Variants in GPM6B observed in about 807,000 individuals in gnomAD.
GPM6B encodes the protein glycoprotein M6B, also known as neuronal membrane glycoprotein M6-b.
GPM6B carries 4 observed loss-of-function variants against 27.2 expected under a neutral mutation model. The ratio of observed to expected loss-of-function variants is 0.15; its 90% CI spans 0.07 to 0.34. GPM6B has a LOEUF of 0.34. GPM6B is among the 10% of genes least tolerant of loss of function. The pLI is 1.00. For synonymous variants in GPM6B, 124 were observed against 103.1 expected (o/e 1.20, Z -1.23); for missense variants, 183 against 261.9 (o/e 0.70, Z 2.08).
Position 13,844,068 on chromosome X carries a change from A to ATT in GPM6B, c.-197-58262_-197-58261dup, listed in dbSNP as rs766951108. Among the ~76,000 whole-genome samples, 626 of 112,167 alleles carry ATT rather than the reference A, an allele frequency of 5.6e-3. 8 individuals are homozygous for ATT. The highest frequency in any genetic ancestry group is 0.019 in the African/African-American group (588 of 30,793). On this transcript the variant is annotated intron_variant, in intron 1 of 6. Transcript: ENST00000398361. The stretch of plus-strand genomic sequence containing the variant: ...TAGGTCTATGATCCATCGTGAGTTA[A>ATT]TTTTTGTGTATATGAGGTAGGGGTG...
chrX:13,783,838 T>C (rs1224897817), intron 3 of GPM6B: 3 of 374,985 alleles, frequency 8.0e-6, no homozygotes, highest in Non-Finnish European at 1.5e-5. Context: ...AACACAGGCA[T>C]TGAGGAGTTA....
rs779187347 is a variant in GPM6B, at chrX:13,854,113, G to C, written c.-197-68305C>G. Among the ~76,000 whole-genome samples the C allele has an allele frequency of 3.6e-5, 4 of 111,655 alleles. No individual in the cohort carries two copies. In the South Asian group the frequency reaches 1.5e-3, roughly 42 times the overall value. On this transcript the variant is annotated intron_variant, in intron 1 of 6. Transcript: ENST00000398361. Reference sequence around the variant, plus strand: ...GGCAGGAAGCAGATATGGCTTTGGGGGAATTCTGGCTTGGGGTGACAAGTT... The same window carrying C: ...GGCAGGAAGCAGATATGGCTTTGGGCGAATTCTGGCTTGGGGTGACAAGTT...
chrX:13,774,029 A>G (rs1452071787), intron 7 of GPM6B: 2 of 707,243 alleles, frequency 2.8e-6, no homozygotes, highest in Non-Finnish European at 3.2e-6. Context: ...GGCTTATTTG[A>G]GGGTCATTTG....
chrX:13,907,129 C>A (rs903406097), intron 1 of GPM6B, among the ~76,000 whole-genome samples: 1 of 112,454 alleles, frequency 8.9e-6, no homozygotes, highest in Non-Finnish European at 1.9e-5. Context: ...TCTGTCAACT[C>A]TTAAGCGACC....
chrX:13,847,894 T>C (rs769444960), intron 1 of GPM6B, among the ~76,000 whole-genome samples: 1 of 112,255 alleles, frequency 8.9e-6, no homozygotes, highest in African/African-American at 3.2e-5. Context: ...TAAAGCAGTG[T>C]GGCTAGAGCC....
At chrX:13,812,044 C>CTTTTTTTTTTTTTT (rs752162419) in intron 1 of GPM6B, among the ~76,000 whole-genome samples, 3 of 82,665 alleles carry the variant, frequency 3.6e-5, no homozygotes, top group African/African-American at 9.5e-5. Flanking sequence ...CTTTTCTTTT[C>CTTTTTTTTTTTTTT]TTTCTTTTTT....
intron 1 of GPM6B, among the ~76,000 whole-genome samples, chrX:13,936,471 A>C (rs986209530): frequency 1.8e-5 from 2 of 112,086 alleles, no homozygotes; most frequent in African/African-American, 6.5e-5. Context: ...AATTTTCCCA[A>C]CGTTAAATCA....
chrX:13,782,795 C>T (rs1299355023), intron 4 of GPM6B, among the ~76,000 whole-genome samples: 1 of 104,380 alleles, frequency 9.6e-6, no homozygotes, highest in African/African-American at 3.5e-5. Context: ...AAATTCTTGG[C>T]TCTTGAGCTG....
intron 1 of GPM6B, among the ~76,000 whole-genome samples, chrX:13,924,218 T>C (rs1021984776): frequency 8.9e-5 from 10 of 112,692 alleles, no homozygotes; most frequent in Non-Finnish European, 5.6e-5. Flanking sequence ...GTGAAAATCA[T>C]GACTTAACCA....
At chrX:13,935,207 A>C (rs1270700275) in intron 1 of GPM6B, among the ~76,000 whole-genome samples, 1 of 110,802 alleles carries the variant, frequency 9.0e-6, no homozygotes, top group African/African-American at 3.3e-5. Flanking sequence ...ATTTAAAATG[A>C]TAGGCAATTG....
chrX:13,869,675 T>C (rs1382678344), intron 1 of GPM6B, among the ~76,000 whole-genome samples: 3 of 111,996 alleles, frequency 2.7e-5, no homozygotes, highest in African/African-American at 9.8e-5. Context: ...ATTCATTTTT[T>C]AAATTTAACC....
chrX:13,852,276 T>C (rs2049726589), intron 1 of GPM6B, among the ~76,000 whole-genome samples: 1 of 111,648 alleles, frequency 9.0e-6, no homozygotes, highest in Non-Finnish European at 1.9e-5. Flanking sequence ...TCATGGGCCA[T>C]ACCTGATGTA....
intron 1 of GPM6B, among the ~76,000 whole-genome samples, chrX:13,919,554 C>T (rs954486614): frequency 2.7e-5 from 3 of 111,996 alleles, no homozygotes; most frequent in Non-Finnish European, 5.6e-5. Flanking sequence ...ACATAAGCAC[C>T]TGACATTGAA....
chrX:13,839,047 A>T (rs1031131094), intron 1 of GPM6B, among the ~76,000 whole-genome samples: 3 of 111,348 alleles, frequency 2.7e-5, no homozygotes. Flanking sequence ...GAACGGACCA[A>T]ACAGAATATT....
At chrX:13,901,503 G>A (rs745785456) in intron 1 of GPM6B, among the ~76,000 whole-genome samples, 3 of 110,090 alleles carry the variant, frequency 2.7e-5, no homozygotes, top group Admixed American at 9.7e-5. Flanking sequence ...TCCTTCTGTC[G>A]TGGTGTTTGA....
At chrX:13,796,571 G>T (rs1020361485) in intron 2 of GPM6B, among the ~76,000 whole-genome samples, 7 of 112,082 alleles carry the variant, frequency 6.2e-5, no homozygotes, top group Non-Finnish European at 1.3e-4. Flanking sequence ...ATCAAATATA[G>T]GTTGCTTCTC....
chrX:13,806,837 C>T (rs2049031150), intron 2 of GPM6B, among the ~76,000 whole-genome samples: 1 of 112,012 alleles, frequency 8.9e-6, no homozygotes, highest in East Asian at 2.8e-4. Context: ...CGACCTACCA[C>T]CAGCCCTTTA....
At chrX:13,870,137 T>A (rs1351009576) in intron 1 of GPM6B, among the ~76,000 whole-genome samples, 1 of 112,252 alleles carries the variant, frequency 8.9e-6, no homozygotes, top group East Asian at 2.8e-4. Flanking sequence ...AGTAATACTG[T>A]ATCCTTTGCA....
intron 1 of GPM6B, among the ~76,000 whole-genome samples, chrX:13,875,266 G>C (rs1031586665): frequency 9.0e-6 from 1 of 111,241 alleles, no homozygotes; most frequent in African/African-American, 3.3e-5. Context: ...GAATATATGA[G>C]GAGGCAAAAG....
Sources: allele counts gnomAD v4.1 joint callset (sites outside exome capture counted in the v4.1 genomes callset), GRCh38; gene constraint gnomAD v4.1.1; transcripts MANE v1.5; gene names NCBI Gene and HGNC (gene_info 2026-07-23, HGNC 2026-07-21).